SPHKAP: variants seen among roughly 807,000 people sequenced by gnomAD.
The protein encoded by SPHKAP is A-kinase anchor protein SPHKAP.
A neutral mutation model predicts 137.5 loss-of-function variants in SPHKAP; 67 were observed. The observed-to-expected ratio is 0.49, with a 90% CI of 0.40 to 0.60. The LOEUF is 0.60. Ranked by LOEUF, SPHKAP falls within the 20% of genes least tolerant of loss-of-function variation. The pLI, the probability that SPHKAP is intolerant of heterozygous loss-of-function variation, is 0.00. For synonymous variants in SPHKAP, 813 were observed against 785.3 expected (o/e 1.04, Z -0.59); for missense variants, 2,097 against 2,069.3 (o/e 1.01, Z -0.26).
chr2:228,141,638 AG>A (rs1699609699), intron 1 of SPHKAP, among the ~76,000 whole-genome samples: 1 of 149,392 alleles, frequency 6.7e-6, no homozygotes, highest in Admixed American at 6.8e-5. Flanking sequence ...AGAATAACAA[AG>A]GCTTTTTTTA....
intron 3 of SPHKAP, among the ~76,000 whole-genome samples, chr2:228,099,450 G>A (rs1404322228): frequency 6.6e-6 from 1 of 152,104 alleles, no homozygotes; most frequent in Non-Finnish European, 1.5e-5. Flanking sequence ...TTGGAGTTGG[G>A]TAATATGATG....
At chr2:228,154,857 C>A (rs1258775329) in intron 1 of SPHKAP, among the ~76,000 whole-genome samples, 1 of 151,246 alleles carries the variant, frequency 6.6e-6, no homozygotes, top group Non-Finnish European at 1.5e-5. Context: ...CCTTGCCCAG[C>A]CATAAATAAA....
intron 1 of SPHKAP, among the ~76,000 whole-genome samples, chr2:228,138,132 A>T (rs1266043981): frequency 6.6e-6 from 1 of 152,152 alleles, no homozygotes; most frequent in Admixed American, 6.5e-5. Context: ...CAAATATCTG[A>T]TCAACTTCCT....
Position 228,055,656 on chromosome 2 carries a change from G to A in SPHKAP, c.247-28113C>T, listed in dbSNP as rs531988578. ...AGCTCAGAGGTTAAGGGGAGCTGGC[G>A]ACCCCTTTCTTAGAGAGTGCTATTG... On this transcript the variant is annotated intron_variant, in intron 3 of 11. Coordinates refer to ENST00000392056, the MANE Select transcript of SPHKAP (RefSeq NM_001142644.2). Among the ~76,000 whole-genome samples the A allele has an allele frequency of 1.9e-4, 29 of 152,292 alleles. No individual in the cohort carries two copies. In the South Asian group the frequency reaches 5.6e-3, roughly 29 times the overall value.
At chr2:228,167,490 A>G (rs975310716) in intron 1 of SPHKAP, among the ~76,000 whole-genome samples, 3 of 152,186 alleles carry the variant, frequency 2.0e-5, no homozygotes, top group Non-Finnish European at 4.4e-5. Context: ...TAAATCCATG[A>G]GTCAGCAATG....
intron 3 of SPHKAP, among the ~76,000 whole-genome samples, chr2:228,090,790 T>A (rs1458405329): frequency 6.6e-6 from 1 of 152,114 alleles, no homozygotes; most frequent in Non-Finnish European, 1.5e-5. Context: ...TCTCTTATCA[T>A]GCAATGTGCT....
At chr2:228,136,672 A>G (rs548544513) in intron 1 of SPHKAP, among the ~76,000 whole-genome samples, 9 of 152,198 alleles carry the variant, frequency 5.9e-5, no homozygotes, top group Non-Finnish European at 1.3e-4. Flanking sequence ...AGAATTACTA[A>G]ATCAGAATCT....
chr2:228,138,610 A>G (rs1699505150), intron 1 of SPHKAP, among the ~76,000 whole-genome samples: 1 of 152,234 alleles, frequency 6.6e-6, no homozygotes, highest in Admixed American at 6.5e-5. Flanking sequence ...GGAAACTATT[A>G]CCAAACCTTG....
Position 227,991,154 on chromosome 2 carries a change from G to C in SPHKAP, c.4805C>G (p.Ala1602Gly). 6.2e-7 allele frequency: 1 copy of C among 1,614,090 alleles called. No individual in the cohort carries two copies. Among genetic ancestry groups the C allele is most frequent in the Non-Finnish European group, 8.5e-7 (1 of 1,180,010 alleles). The stretch of plus-strand genomic sequence containing the variant: ...CACCAGCAGGCTCCTCTGGGGGCTG[G>C]CTGTTCCCGTAGGCGGTCCAGATGC... ...APASGPPTGT[A>G]SPQRSLLVIN... The change falls in exon 11 of 12, where the codon GCC becomes GGC. Residue 1602 changes from alanine to glycine, a missense_variant. Coordinates refer to ENST00000392056, the MANE Select transcript of SPHKAP (RefSeq NM_001142644.2).
At chr2:228,074,271 T>A (rs1476472648) in intron 3 of SPHKAP, among the ~76,000 whole-genome samples, 2 of 152,236 alleles carry the variant, frequency 1.3e-5, no homozygotes, top group Non-Finnish European at 2.9e-5. Context: ...TCCAGATCCA[T>A]GATCTGTACT....
chr2:228,131,007 A>G (rs1428165476), intron 2 of SPHKAP, among the ~76,000 whole-genome samples: 3 of 152,122 alleles, frequency 2.0e-5, no homozygotes, highest in Non-Finnish European at 1.5e-5. Flanking sequence ...ATTTTTCAGT[A>G]CAGATTAATT....
chr2:228,145,956 C>T (rs1699763343), intron 1 of SPHKAP, among the ~76,000 whole-genome samples: 1 of 152,108 alleles, frequency 6.6e-6, no homozygotes, highest in African/African-American at 2.4e-5. Flanking sequence ...CAATTATTGG[C>T]CTGGAAAATA....
At chr2:228,063,669 AC>A (rs1266904603) in intron 3 of SPHKAP, among the ~76,000 whole-genome samples, 2 of 152,194 alleles carry the variant, frequency 1.3e-5, no homozygotes, top group Non-Finnish European at 2.9e-5. Flanking sequence ...GATGTGAAAC[AC>A]GACAGAGTTT....
intron 3 of SPHKAP, among the ~76,000 whole-genome samples, chr2:228,102,154 T>C (rs1698198699): frequency 6.6e-6 from 1 of 152,234 alleles, no homozygotes; most frequent in African/African-American, 2.4e-5. Flanking sequence ...TTGCAAACTT[T>C]GCTACTGGAA....
chr2:228,095,761 CGTAA>C (rs1197453279), intron 3 of SPHKAP, among the ~76,000 whole-genome samples: 3 of 151,612 alleles, frequency 2.0e-5, no homozygotes, highest in Admixed American at 6.6e-5. Flanking sequence ...GTTGGAGAAA[CGTAA>C]GTATTTGTTG....
chr2:228,123,550 T>TAC (rs1698978117), intron 2 of SPHKAP, among the ~76,000 whole-genome samples: 3 of 152,238 alleles, frequency 2.0e-5, no homozygotes, highest in African/African-American at 7.2e-5. Context: ...TACAGAATAT[T>TAC]ATATCTATTT....
At chr2:227,982,244 C>T (rs151098738) in intron 11 of SPHKAP, 1 of 985,238 alleles carries the variant, frequency 1.0e-6, no homozygotes, top group Non-Finnish European at 1.2e-6. Context: ...CTATTTCTAT[C>T]ACAAATAAGA....
chr2:228,109,822 C>A (rs991467579), intron 2 of SPHKAP, among the ~76,000 whole-genome samples: 1 of 151,832 alleles, frequency 6.6e-6, no homozygotes, highest in African/African-American at 2.4e-5. Flanking sequence ...AAAAAGTTGG[C>A]CAGGCGTGGT....
At chr2:228,005,153 G>T (rs535422956) in intron 7 of SPHKAP, among the ~76,000 whole-genome samples, 2 of 152,156 alleles carry the variant, frequency 1.3e-5, no homozygotes, top group African/African-American at 2.4e-5. Context: ...TGACAGTGGG[G>T]TGTTAAAGTC....
Sources: gnomAD v4.1 joint callset for allele counts (sites outside exome capture counted in the v4.1 genomes callset) on GRCh38, gnomAD v4.1.1 for gene constraint, MANE v1.5 for transcripts, NCBI Gene and HGNC (gene_info 2026-07-23, HGNC 2026-07-21) for gene names.